The following PTK2 variants were observed in gnomAD, a reference collection of about 807,000 sequenced individuals.
The protein encoded by PTK2 is focal adhesion kinase 1.
A neutral mutation model predicts 150.1 loss-of-function variants in PTK2; 45 were observed. That is an observed-to-expected ratio of 0.30 (90% confidence interval 0.24 to 0.38). The LOEUF is 0.38. PTK2 is among the 10% of genes least tolerant of loss of function. The pLI is 1.00. For missense variants in PTK2, 919 were observed against 1,307.3 expected (o/e 0.70, Z 4.58); for synonymous variants, 432 against 449.2 (o/e 0.96, Z 0.48).
chr8:140,843,709 C>G (rs1232142577), intron 7 of PTK2, among the ~76,000 whole-genome samples: 1 of 151,842 alleles, frequency 6.6e-6, no homozygotes, highest in Non-Finnish European at 1.5e-5. Context: ...TTTAGATAGG[C>G]CTTTTATTTT....
At chr8:140,714,455 TA>T (rs945836420) in intron 23 of PTK2, among the ~76,000 whole-genome samples, 14 of 142,152 alleles carry the variant, frequency 9.8e-5, no homozygotes, top group Non-Finnish European at 9.2e-5. Context: ...CATCTTTATT[TA>T]AAAAAAAAAG....
At chr8:140,847,745 T>C (rs1342215459) in intron 5 of PTK2, among the ~76,000 whole-genome samples, 5 of 152,210 alleles carry the variant, frequency 3.3e-5, no homozygotes, top group Non-Finnish European at 5.9e-5. Flanking sequence ...AACTATTTAC[T>C]CTGACCCTTT....
At chr8:140,715,313 C>T (rs2100039088) in intron 23 of PTK2, among the ~76,000 whole-genome samples, 1 of 151,366 alleles carries the variant, frequency 6.6e-6, no homozygotes, top group Non-Finnish European at 1.5e-5. Flanking sequence ...GCTGGGATTA[C>T]AGGTGCCGGC....
At chr8:140,901,083 T>G (rs2100158265) in intron 2 of PTK2, among the ~76,000 whole-genome samples, 1 of 152,010 alleles carries the variant, frequency 6.6e-6, no homozygotes, top group African/African-American at 2.4e-5. Context: ...AGAATGGAGA[T>G]CTCAAATATA....
At chr8:140,752,148 T>C in intron 17 of PTK2, 84 bp downstream of exon 20, 1 of 1,175,052 alleles carries the variant, frequency 8.5e-7, no homozygotes, top group Non-Finnish European at 1.3e-6. Flanking sequence ...GTCAAAACAC[T>C]ATTTTTCTTA....
At chr8:140,873,447 T>C (rs1013519033) in intron 4 of PTK2, among the ~76,000 whole-genome samples, 12 of 149,878 alleles carry the variant, frequency 8.0e-5, no homozygotes, top group South Asian at 2.1e-4. Context: ...GTGTATCTAT[T>C]ACTGAAGTGT....
At chr8:140,929,799 G>A (rs967831478) in intron 1 of PTK2, among the ~76,000 whole-genome samples, 4 of 151,280 alleles carry the variant, frequency 2.6e-5, no homozygotes, top group Non-Finnish European at 5.9e-5. Context: ...GTTTCTCGTC[G>A]GTTAAATAAA....
chr8:140,932,563 T>C (rs1179518630), intron 1 of PTK2, among the ~76,000 whole-genome samples: 1 of 152,172 alleles, frequency 6.6e-6, no homozygotes, highest in African/African-American at 2.4e-5. Context: ...CCATATCTAG[T>C]TTAATTGAAA....
At chr8:140,852,839 T>A (rs1361506070) in intron 5 of PTK2, among the ~76,000 whole-genome samples, 2 of 152,190 alleles carry the variant, frequency 1.3e-5, no homozygotes, top group African/African-American at 4.8e-5. Flanking sequence ...TCTGGGATGC[T>A]CAAATCCTGT....
chr8:140,687,377 G>A (rs1281438538), intron 26 of PTK2, among the ~76,000 whole-genome samples: 1 of 152,096 alleles, frequency 6.6e-6, no homozygotes, highest in Non-Finnish European at 1.5e-5. Context: ...GAAAACTTCT[G>A]TTCACTCTTC....
chr8:140,848,574 C>G (rs2100127116), intron 5 of PTK2, among the ~76,000 whole-genome samples: 1 of 152,170 alleles, frequency 6.6e-6, no homozygotes, highest in Non-Finnish European at 1.5e-5. Context: ...ACAAAGCAGG[C>G]ACTCAAGACT....
chr8:140,695,470 G>A (rs2100025971), intron 26 of PTK2, among the ~76,000 whole-genome samples: 1 of 151,654 alleles, frequency 6.6e-6, no homozygotes, highest in Non-Finnish European at 1.5e-5. Context: ...GAGTGTAGTG[G>A]AACAATCTCA....
chr8:140,898,308 A>G (rs1032902195), intron 2 of PTK2, among the ~76,000 whole-genome samples: 5 of 150,834 alleles, frequency 3.3e-5, no homozygotes, highest in African/African-American at 9.7e-5. Flanking sequence ...TCCAGCACCA[A>G]CATTCATCTG....
chr8:140,920,081 A>G (rs965569772), intron 2 of PTK2, among the ~76,000 whole-genome samples: 6 of 152,274 alleles, frequency 3.9e-5, no homozygotes, highest in African/African-American at 1.4e-4. Context: ...GTAACATGAC[A>G]TTTAAATATA....
rs189973935 is a variant in PTK2, at chr8:140,747,037, C to T, written c.1418-177G>A. ...TCCCGAGTAGCTGGGACTACAGGCG[C>T]CCACCACCACGCCCGGCTAATTTTT... On this transcript the variant is annotated intron_variant, in intron 17 of 31. Transcript: ENST00000522684. 3,320 of 515,378 alleles carry T rather than the reference C, an allele frequency of 6.4e-3. 18 individuals carry two copies. Among genetic ancestry groups the T allele is most frequent in the Non-Finnish European group, 9.4e-3 (2,734 of 289,982 alleles). 31.9% of individuals were successfully genotyped at this position (515,378 alleles called of 1,614,324 possible).
intron 23 of PTK2, among the ~76,000 whole-genome samples, chr8:140,706,428 T>C (rs1456987022): frequency 6.6e-6 from 1 of 152,204 alleles, no homozygotes; most frequent in Non-Finnish European, 1.5e-5. Flanking sequence ...TCCTCCCACA[T>C]GCACAAAAAT....
At chr8:140,798,641 T>A (rs555269585) in intron 12 of PTK2, among the ~76,000 whole-genome samples, 1 of 152,172 alleles carries the variant, frequency 6.6e-6, no homozygotes, top group Non-Finnish European at 1.5e-5. Context: ...ATGCCTGACA[T>A]CCGAATGTTA....
intron 1 of PTK2, among the ~76,000 whole-genome samples, chr8:140,948,952 T>C (rs571557396): frequency 3.0e-4 from 45 of 152,218 alleles, no homozygotes; most frequent in African/African-American, 9.9e-4. Context: ...TTTTCAATAA[T>C]AGTTACACTG....
intron 2 of PTK2, among the ~76,000 whole-genome samples, chr8:140,915,150 G>A (rs1234644533): frequency 6.6e-6 from 1 of 151,768 alleles, no homozygotes; most frequent in East Asian, 1.9e-4. Flanking sequence ...AGGGACAGCA[G>A]CTAAACCAAA....
Sources: allele counts gnomAD v4.1 joint callset (sites outside exome capture counted in the v4.1 genomes callset), GRCh38; gene constraint gnomAD v4.1.1; transcripts MANE v1.5; gene names NCBI Gene and HGNC (gene_info 2026-07-23, HGNC 2026-07-21).